Variants in AUTS2 observed in about 807,000 individuals in gnomAD.
The protein encoded by AUTS2 is autism susceptibility gene 2 protein.
AUTS2 carries 17 observed loss-of-function variants against 112.4 expected under a neutral mutation model. The ratio of observed to expected loss-of-function variants is 0.15; its 90% confidence interval spans 0.10 to 0.23. The LOEUF (loss-of-function observed/expected upper bound fraction) is 0.23. Among genes scored for constraint, AUTS2 ranks in the 10% least tolerant of loss-of-function variants. The probability of loss-of-function intolerance (pLI) is 1.00; values close to 1 mark genes in which losing one functional copy is unlikely to be tolerated. For missense variants in AUTS2, 1,510 were observed against 1,701.6 expected, an observed-to-expected ratio of 0.89 and a Z score of 1.98; for synonymous variants, 751 against 702.7, an observed-to-expected ratio of 1.07 and a Z score of -1.09.
chr7:70,576,558 C>T lies in AUTS2; in HGVS notation c.691-122011C>T, dbSNP rs749835785. On this transcript the variant is annotated intron_variant, in intron 5 of 18. Transcript: ENST00000342771. The stretch of plus-strand genomic sequence containing the variant: ...CAGCTTGACTTTCTGCTAAGACACA[C>T]GCTTCCACTCCTAACCAGCAACCGA... 2.4e-4 allele frequency among the ~76,000 whole-genome samples: 36 copies of T among 152,184 alleles called. 1 individual carries two copies. Among genetic ancestry groups the T allele is most frequent in the Non-Finnish European group, 4.7e-4 (32 of 68,032 alleles).
At chr7:69,994,610 A>G (rs889145657) in intron 2 of AUTS2, among the ~76,000 whole-genome samples, 5 of 152,136 alleles carry the variant, frequency 3.3e-5, no homozygotes, top group Non-Finnish European at 5.9e-5. Context: ...AAACCTAGAG[A>G]ATTTCAGTGG....
chr7:70,535,009 C>G (rs1191776599), intron 5 of AUTS2, among the ~76,000 whole-genome samples: 1 of 146,528 alleles, frequency 6.8e-6, no homozygotes, highest in African/African-American at 2.5e-5. Flanking sequence ...AGTATGAATA[C>G]CATAAACTAT....
At chr7:70,466,271 G>A (rs1054443674) in intron 5 of AUTS2, among the ~76,000 whole-genome samples, 1 of 152,102 alleles carries the variant, frequency 6.6e-6, no homozygotes, top group African/African-American at 2.4e-5. Flanking sequence ...GGACATTTTT[G>A]GTACCTAATG....
chr7:70,602,282 C>T lies in AUTS2; in HGVS notation c.691-96287C>T, dbSNP rs183696546. On this transcript the variant is annotated intron_variant, in intron 5 of 18. Transcript: ENST00000342771. ...CTTACAAAGTGCTCTCTCAACCTTG[C>T]ACCAGAGGAAACCAAAGCTCCAGGA... 3.3e-5 allele frequency among the ~76,000 whole-genome samples: 5 copies of T among 152,322 alleles called. No homozygotes were observed. The East Asian group carries it at 9.6e-4, about 29-fold the overall frequency.
At chr7:69,810,475 TAA>T (rs879573433) in intron 1 of AUTS2, among the ~76,000 whole-genome samples, 4 of 142,646 alleles carry the variant, frequency 2.8e-5, no homozygotes, top group Admixed American at 7.0e-5. Context: ...GTTGTTTAAT[TAA>T]AAAAAAAAAA....
chr7:70,310,406 C>T (rs1032528593), intron 4 of AUTS2, among the ~76,000 whole-genome samples: 5 of 151,928 alleles, frequency 3.3e-5, no homozygotes, highest in Non-Finnish European at 2.9e-5. Context: ...GTCAGGAAAT[C>T]GCGACCATCC....
intron 2 of AUTS2, among the ~76,000 whole-genome samples, chr7:69,904,193 C>T (rs1349261754): frequency 1.3e-5 from 2 of 152,206 alleles, no homozygotes; most frequent in African/African-American, 4.8e-5. Context: ...CCTGATGGAA[C>T]AGTCTATCCC....
intron 5 of AUTS2, among the ~76,000 whole-genome samples, chr7:70,470,243 T>G (rs775665189): frequency 6.6e-6 from 1 of 152,206 alleles, no homozygotes; most frequent in Non-Finnish European, 1.5e-5. Flanking sequence ...GCTTCCTGGA[T>G]GAACTCAGCA....
At chr7:69,780,651 A>C (rs1223004680) in intron 1 of AUTS2, among the ~76,000 whole-genome samples, 1 of 152,226 alleles carries the variant, frequency 6.6e-6, no homozygotes, top group Non-Finnish European at 1.5e-5. Context: ...CTGGAGCTAC[A>C]CACAGGAACC....
chr7:70,457,887 G>T (rs954579962), intron 5 of AUTS2, among the ~76,000 whole-genome samples: 2 of 152,174 alleles, frequency 1.3e-5, no homozygotes, highest in Non-Finnish European at 2.9e-5. Flanking sequence ...CTTCCTGGGT[G>T]TAGGAAATGG....
At chr7:70,580,749 C>G (rs925257762) in intron 5 of AUTS2, among the ~76,000 whole-genome samples, 2 of 152,106 alleles carry the variant, frequency 1.3e-5, no homozygotes, top group African/African-American at 4.8e-5. Context: ...AATGGAAGAA[C>G]AAATAGATGT....
At chr7:69,703,129 A>G (rs1300584264) in intron 1 of AUTS2, among the ~76,000 whole-genome samples, 2 of 142,734 alleles carry the variant, frequency 1.4e-5, no homozygotes, top group Non-Finnish European at 3.1e-5. Context: ...AATGCCTGTG[A>G]AAGTGGAGGG....
intron 5 of AUTS2, among the ~76,000 whole-genome samples, chr7:70,641,329 C>T (rs1402259664): frequency 1.3e-5 from 2 of 152,100 alleles, no homozygotes; most frequent in Non-Finnish European, 2.9e-5. Context: ...GCAGGCGGAT[C>T]ACAAGGTCAG....
chr7:69,600,535 A>G (rs1473161296), intron 1 of AUTS2, among the ~76,000 whole-genome samples: 3 of 54,608 alleles, frequency 5.5e-5, no homozygotes, highest in African/African-American at 2.3e-4. Context: ...ACCCCCCCAT[A>G]TTCTTTTTTT....
intron 2 of AUTS2, among the ~76,000 whole-genome samples, chr7:70,030,327 A>G (rs1250530572): frequency 6.6e-6 from 1 of 152,200 alleles, no homozygotes; most frequent in African/African-American, 2.4e-5. Context: ...GAACATCATC[A>G]TAATGTCACA....
chr7:70,629,100 G>T (rs569727066), intron 5 of AUTS2, among the ~76,000 whole-genome samples: 14 of 152,130 alleles, frequency 9.2e-5, no homozygotes, highest in Non-Finnish European at 1.8e-4. Flanking sequence ...GATGCCACTT[G>T]GAGATGGAAA....
At chr7:70,716,998 T>A (rs1351427016) in intron 6 of AUTS2, among the ~76,000 whole-genome samples, 3 of 57,920 alleles carry the variant, frequency 5.2e-5, no homozygotes, top group African/African-American at 1.3e-4. Flanking sequence ...GGAGTTATTT[T>A]TTTTTTTTTT....
chr7:70,116,960 A>G (rs1805387434), intron 2 of AUTS2, among the ~76,000 whole-genome samples: 1 of 152,206 alleles, frequency 6.6e-6, no homozygotes, highest in African/African-American at 2.4e-5. Flanking sequence ...ATGATATTGT[A>G]GACTAGTACT....
intron 4 of AUTS2, among the ~76,000 whole-genome samples, chr7:70,262,391 T>C (rs1431826736): frequency 6.6e-6 from 1 of 152,152 alleles, no homozygotes; most frequent in Non-Finnish European, 1.5e-5. Flanking sequence ...GGTTTCACCA[T>C]GTTAGAAAGG....
Sources: gnomAD v4.1 joint callset for allele counts (sites outside exome capture counted in the v4.1 genomes callset) on GRCh38, gnomAD v4.1.1 for gene constraint, MANE v1.5 for transcripts, NCBI Gene and HGNC (gene_info 2026-07-23, HGNC 2026-07-21) for gene names.